The following FGF14 variants were observed in gnomAD, a reference collection of about 807,000 sequenced individuals.
FGF14 encodes fibroblast growth factor 14.
Under a neutral mutation model 25.5 loss-of-function variants are expected in FGF14, and 5 were observed. The observed-to-expected ratio is 0.20, with a 90% CI of 0.10 to 0.41. The LOEUF (loss-of-function observed/expected upper bound fraction) is 0.41, where lower values mean the gene tolerates loss of function less well. Ranked by LOEUF, FGF14 falls within the 10% of genes least tolerant of loss-of-function variation. The pLI is 1.00. For synonymous variants in FGF14, 138 were observed against 118.3 expected (o/e 1.17, Z -1.08); for missense variants, 222 against 320.1 (o/e 0.69, Z 2.34).
chr13:101,857,356 A>C (rs190834277), intron 3 of FGF14, among the ~76,000 whole-genome samples: 100 of 152,112 alleles, frequency 6.6e-4, no homozygotes, highest in Non-Finnish European at 1.1e-3. Context: ...AATAGCAACC[A>C]ATTATGGTGC....
rs1165813185 is a variant in FGF14, at chr13:101,916,644, ATGG to A, written c.-2_1del. ...CAAGCCGCTAGCGATGGCCGCGGCC[ATGG>A]TGGCCCCGGGAACGGGTCCGGGGAG... is the stretch of plus-strand genomic sequence containing the variant. On this transcript the variant is annotated start_lost and start_retained_variant and 5_prime_UTR_variant, in exon 1 of 5. Coordinates refer to ENST00000376143, the MANE Select transcript of FGF14 (RefSeq NM_004115.4). The A allele has an allele frequency of 5.1e-6, 8 of 1,557,384 alleles. No individual in the cohort carries two copies. Among genetic ancestry groups the A allele is most frequent in the African/African-American group, 1.4e-5 (1 of 73,368 alleles).
At chr13:102,324,552 G>A (rs769184828) in intron 1 of FGF14, among the ~76,000 whole-genome samples, 13 of 152,148 alleles carry the variant, frequency 8.5e-5, no homozygotes, top group Non-Finnish European at 1.6e-4. Flanking sequence ...GTCCTTGTCA[G>A]GGTTAGATCA....
At chr13:101,846,839 A>G (rs1218637146) in intron 3 of FGF14, among the ~76,000 whole-genome samples, 1 of 152,068 alleles carries the variant, frequency 6.6e-6, no homozygotes, top group Non-Finnish European at 1.5e-5. Flanking sequence ...TTAGCATTAC[A>G]AAAGAATTAT....
chr13:102,069,116 G>C (rs1281765815), intron 1 of FGF14, among the ~76,000 whole-genome samples: 1 of 151,882 alleles, frequency 6.6e-6, no homozygotes, highest in South Asian at 2.1e-4. Flanking sequence ...ACACCAATCG[G>C]CACTTTGTAT....
intron 1 of FGF14, among the ~76,000 whole-genome samples, chr13:102,340,647 A>G (rs1405068435): frequency 6.6e-6 from 1 of 152,198 alleles, no homozygotes; most frequent in Admixed American, 6.5e-5. Context: ...ACCTTTAAAT[A>G]TGAAAAGAAA....
intron 3 of FGF14, among the ~76,000 whole-genome samples, chr13:101,823,363 T>C (rs1463929251): frequency 6.7e-6 from 1 of 149,034 alleles, no homozygotes; most frequent in Non-Finnish European, 1.5e-5. Context: ...TAGTATATTT[T>C]ATATATATTA....
intron 1 of FGF14, among the ~76,000 whole-genome samples, chr13:102,078,785 T>C (rs1271150066): frequency 6.6e-6 from 1 of 152,208 alleles, no homozygotes; most frequent in Non-Finnish European, 1.5e-5. Context: ...AACTTCATTC[T>C]CTCAGATTAA....
chr13:102,124,835 T>G (rs1456560772), intron 1 of FGF14, among the ~76,000 whole-genome samples: 1 of 152,174 alleles, frequency 6.6e-6, no homozygotes, highest in East Asian at 1.9e-4. Flanking sequence ...GCATTCATTT[T>G]AGGAACAAAA....
chr13:102,053,049 C>A (rs1429036580), intron 1 of FGF14, among the ~76,000 whole-genome samples: 1 of 151,800 alleles, frequency 6.6e-6, no homozygotes, highest in African/African-American at 2.4e-5. Context: ...AAGCAAAAAC[C>A]AATAGTAGAT....
chr13:102,112,432 A>G (rs2045278051), intron 1 of FGF14, among the ~76,000 whole-genome samples: 1 of 152,160 alleles, frequency 6.6e-6, no homozygotes, highest in South Asian at 2.1e-4. Flanking sequence ...CACGCATGGA[A>G]TTCTCACACA....
chr13:102,175,965 G>A (rs757572792), intron 1 of FGF14, among the ~76,000 whole-genome samples: 6 of 151,932 alleles, frequency 3.9e-5, no homozygotes, highest in Non-Finnish European at 5.9e-5. Flanking sequence ...ATACATTGTC[G>A]GTGGGAATGT....
Position 101,721,531 on chromosome 13 carries a change from A to T in FGF14, c.*1300T>A, listed in dbSNP as rs993220059. On this transcript the variant is annotated 3_prime_UTR_variant, in exon 5 of 5. Transcript: ENST00000376143. ...AGCCACTGGGCAACATGAGCCCCAGATGCTGAGCTAGAGGCATGTACTGGT... is the reference window on the plus strand; with the variant it reads ...AGCCACTGGGCAACATGAGCCCCAGTTGCTGAGCTAGAGGCATGTACTGGT... 2 of 152,280 alleles carry T rather than the reference A, an allele frequency of 1.3e-5. No individual in the cohort carries two copies. Among genetic ancestry groups the T allele is most frequent in the East Asian group, 1.9e-4 (1 of 5,168 alleles). The allele number at this position is 152,280 out of a possible 1,614,324, so 9.4% of individuals were successfully genotyped here.
At chr13:102,290,187 G>T (rs953942251) in intron 1 of FGF14, among the ~76,000 whole-genome samples, 3 of 152,036 alleles carry the variant, frequency 2.0e-5, no homozygotes, top group Admixed American at 2.0e-4. Context: ...TTTTTGGGAG[G>T]TGCTTAGGTC....
At chr13:101,775,753 G>C (rs2039067004) in intron 3 of FGF14, among the ~76,000 whole-genome samples, 1 of 152,104 alleles carries the variant, frequency 6.6e-6, no homozygotes, top group African/African-American at 2.4e-5. Flanking sequence ...GAAGGGTGAG[G>C]AGGCTGTGTT....
chr13:101,881,235 A>T (rs1205260398), intron 1 of FGF14, among the ~76,000 whole-genome samples: 1 of 152,172 alleles, frequency 6.6e-6, no homozygotes, highest in Non-Finnish European at 1.5e-5. Flanking sequence ...CTACAGAAGG[A>T]AGGAAATCTT....
intron 3 of FGF14, among the ~76,000 whole-genome samples, chr13:101,840,872 C>T (rs929833630): frequency 5.3e-5 from 8 of 151,876 alleles, no homozygotes; most frequent in South Asian, 2.1e-4. Context: ...TAGTTTTAAA[C>T]ATTTTATGTC....
chr13:102,099,750 G>T (rs1328079067), intron 1 of FGF14, among the ~76,000 whole-genome samples: 1 of 151,784 alleles, frequency 6.6e-6, no homozygotes, highest in Non-Finnish European at 1.5e-5. Context: ...GTTAATAAAT[G>T]CATGTGTATA....
intron 1 of FGF14, among the ~76,000 whole-genome samples, chr13:102,227,742 T>C (rs1443918372): frequency 6.6e-6 from 1 of 152,118 alleles, no homozygotes; most frequent in Non-Finnish European, 1.5e-5. Flanking sequence ...AATATAAAAA[T>C]ACTAAGTATG....
intron 1 of FGF14, among the ~76,000 whole-genome samples, chr13:102,168,699 T>C (rs1020402553): frequency 6.6e-6 from 1 of 152,178 alleles, no homozygotes; most frequent in Non-Finnish European, 1.5e-5. Flanking sequence ...CAAATGTCAC[T>C]TCTTGAAAAT....
Sources: allele counts gnomAD v4.1 joint callset (sites outside exome capture counted in the v4.1 genomes callset), GRCh38; gene constraint gnomAD v4.1.1; transcripts MANE v1.5; gene names NCBI Gene and HGNC (gene_info 2026-07-23, HGNC 2026-07-21).